FRMD4B: variants seen among roughly 807,000 people sequenced by gnomAD.
FRMD4B encodes the protein FERM domain-containing protein 4B.
In FRMD4B, 74 loss-of-function variants were observed where a neutral mutation model predicts 141.5. That is an observed-to-expected ratio of 0.52 (90% CI 0.43 to 0.63). The LOEUF (loss-of-function observed/expected upper bound fraction) is 0.63, where lower values mean the gene tolerates loss of function less well. Ranked by LOEUF, FRMD4B falls within the 30% of genes least tolerant of loss-of-function variation. The probability of loss-of-function intolerance (pLI) is 0.00; values close to 1 mark genes in which losing one functional copy is unlikely to be tolerated. For missense variants in FRMD4B, 1,366 were observed against 1,253.4 expected, an observed-to-expected ratio of 1.09 and a Z score of -1.36; for synonymous variants, 506 against 467.9, an observed-to-expected ratio of 1.08 and a Z score of -1.05.
intron 1 of FRMD4B, among the ~76,000 whole-genome samples, chr3:69,538,114 A>C (rs1701112966): frequency 6.6e-6 from 1 of 152,218 alleles, no homozygotes; most frequent in African/African-American, 2.4e-5. Flanking sequence ...GAAACTGTGT[A>C]AACGAGCAAG....
At chr3:69,467,831 C>A (rs569083430) in intron 1 of FRMD4B, among the ~76,000 whole-genome samples, 104 of 152,250 alleles carry the variant, frequency 6.8e-4, no homozygotes, top group African/African-American at 2.4e-3. Flanking sequence ...AGCAGGGGAC[C>A]TTCTGCTGCA....
intron 19 of FRMD4B, among the ~76,000 whole-genome samples, chr3:69,186,384 TACAGGTAGGCAACACC>T (rs1265934056): frequency 1.4e-4 from 22 of 151,826 alleles, no homozygotes; most frequent in Admixed American, 1.4e-3. Context: ...TAGCTAGGAC[TACAGGTAGGCAACACC>T]ATGTCTGGCT....
intron 5 of FRMD4B, among the ~76,000 whole-genome samples, chr3:69,257,013 G>T (rs978494624): frequency 6.6e-6 from 1 of 152,182 alleles, no homozygotes; most frequent in Non-Finnish European, 1.5e-5. Flanking sequence ...GTGGTAGGCA[G>T]CATCCCTGGC....
At chr3:69,208,523 A>G (rs1362375896) in intron 11 of FRMD4B, among the ~76,000 whole-genome samples, 2 of 152,016 alleles carry the variant, frequency 1.3e-5, no homozygotes, top group Non-Finnish European at 2.9e-5. Flanking sequence ...TAACATGCCT[A>G]TCTCCTTCCC....
In FRMD4B at chr3:69,194,730, T is replaced by C. The variant is rs193148200; in HGVS notation, c.1488+292A>G. ...TTTGACAAAGGCTATTATTTAGTTT[T>C]AAGTAAACAAACCTAATGCTGGAGT... On this transcript the variant is annotated intron_variant, in intron 16 of 22. Coordinates refer to ENST00000398540, the MANE Select transcript of FRMD4B (RefSeq NM_015123.3). Among the ~76,000 whole-genome samples, 86 of 152,194 alleles carry C rather than the reference T, an allele frequency of 5.7e-4. No individual in the cohort carries two copies. The East Asian group carries it at 0.013, about 24-fold the overall frequency.
chr3:69,326,389 A>G (rs1212711179), intron 1 of FRMD4B, among the ~76,000 whole-genome samples: 2 of 152,218 alleles, frequency 1.3e-5, no homozygotes, highest in African/African-American at 2.4e-5. Context: ...GATAATCAAC[A>G]GACTAACTTA....
intron 7 of FRMD4B, among the ~76,000 whole-genome samples, chr3:69,233,469 T>G (rs7619334): frequency 0.012 from 1,705 of 144,934 alleles, 13 homozygotes; most frequent in Middle Eastern, 0.021. Context: ...GGTGACAGAG[T>G]GAGACCCTGT....
rs777039046 is a variant in FRMD4B at position 69,171,953 on chromosome 3, C to G, written c.3013G>C (p.Gly1005Arg). ...RQYTEISQLD[G>R]TDGNQLEDNL... ...TCTTCCAGCTGGTTTCCATCTGTACCATCCAGTTGACTGATTTCTGTGTAT... is the reference window on the plus strand; with the variant it reads ...TCTTCCAGCTGGTTTCCATCTGTACGATCCAGTTGACTGATTTCTGTGTAT... Residue 1005 changes from glycine (G) to arginine (R), a missense_variant, in exon 23 of 23, where the codon GGT (glycine) becomes CGT (arginine). Gly to Arg is a moderately radical substitution (Grantham distance 125, BLOSUM62 -2). Transcript: ENST00000398540. 9.3e-6 allele frequency: 15 copies of G among 1,612,448 alleles called. No homozygotes were observed. The East Asian group carries it at 3.3e-4, about 36-fold the overall frequency.
At chr3:69,200,565 C>T (rs2092955836) in intron 11 of FRMD4B, 43 of 1,132,414 alleles carry the variant, frequency 3.8e-5, no homozygotes, top group Non-Finnish European at 4.7e-5. Context: ...CTGAGCCTCC[C>T]ACGGCTGACA....
At chr3:69,228,652 C>T (rs915234188) in intron 7 of FRMD4B, 1 of 342,752 alleles carries the variant, frequency 2.9e-6, no homozygotes, top group Non-Finnish European at 5.8e-6. Context: ...CTGGGCAACA[C>T]AGTGAGACCT....
intron 22 of FRMD4B, among the ~76,000 whole-genome samples, chr3:69,173,487 A>C (rs1461770221): frequency 1.6e-4 from 25 of 152,172 alleles, no homozygotes. Flanking sequence ...CTAGTTTTTC[A>C]TTTTTATCGT....
chr3:69,413,855 T>C (rs1458847422), intron 2 of FRMD4B, among the ~76,000 whole-genome samples: 1 of 152,150 alleles, frequency 6.6e-6, no homozygotes, highest in Admixed American at 6.6e-5. Flanking sequence ...TGTAAACGGC[T>C]CCTACGTGTT....
At chr3:69,389,793 T>A (rs970534565), upstream of FRMD4B, among the ~76,000 whole-genome samples, 1 of 152,142 alleles carries the variant, frequency 6.6e-6, no homozygotes, top group Non-Finnish European at 1.5e-5. Context: ...TAAAATGGAC[T>A]AGCCACATGG....
At chr3:69,393,926 A>G (rs1704431965) in intron 2 of FRMD4B, among the ~76,000 whole-genome samples, 1 of 152,198 alleles carries the variant, frequency 6.6e-6, no homozygotes, top group Admixed American at 6.5e-5. Flanking sequence ...TTATGGCAGC[A>G]TTTTTAAAAT....
chr3:69,455,387 CG>C (rs1371738915), intron 1 of FRMD4B, among the ~76,000 whole-genome samples: 1 of 152,192 alleles, frequency 6.6e-6, no homozygotes. Flanking sequence ...GTAACACTCA[CG>C]GCAAAGGTCT....
At chr3:69,242,210 C>T (rs143274701) in intron 7 of FRMD4B, among the ~76,000 whole-genome samples, 2 of 152,242 alleles carry the variant, frequency 1.3e-5, no homozygotes, top group African/African-American at 2.4e-5. Flanking sequence ...TGAACCCAGG[C>T]AGTTAAATTC....
intron 1 of FRMD4B, among the ~76,000 whole-genome samples, chr3:69,514,515 G>C (rs986051147): frequency 2.0e-5 from 3 of 151,906 alleles, no homozygotes; most frequent in South Asian, 4.2e-4. Flanking sequence ...TGGGGTGAAA[G>C]CCTCTCTACT....
At chr3:69,243,901 C>T (rs1349809876) in intron 7 of FRMD4B, among the ~76,000 whole-genome samples, 2 of 152,116 alleles carry the variant, frequency 1.3e-5, no homozygotes, top group African/African-American at 4.8e-5. Flanking sequence ...CAAACAATAG[C>T]TGGGCATGGT....
chr3:69,476,696 T>C (rs1559539438), intron 1 of FRMD4B, among the ~76,000 whole-genome samples: 1 of 151,752 alleles, frequency 6.6e-6, no homozygotes, highest in Non-Finnish European at 1.5e-5. Context: ...GGCTCTTTTT[T>C]GGTTCCATAT....
Sources: allele counts gnomAD v4.1 joint callset (sites outside exome capture counted in the v4.1 genomes callset), GRCh38; gene constraint gnomAD v4.1.1; transcripts MANE v1.5; gene names NCBI Gene and HGNC (gene_info 2026-07-23, HGNC 2026-07-21).